MDGA1: variants seen among roughly 807,000 people sequenced by gnomAD.
MDGA1 encodes the protein MAM domain containing glycosylphosphatidylinositol anchor 1.
Under a neutral mutation model 101.5 loss-of-function variants are expected in MDGA1, and 54 were observed. That is an observed-to-expected ratio of 0.53 (90% CI 0.43 to 0.67). The LOEUF is 0.67. MDGA1 is among the 30% of genes least tolerant of loss of function. The pLI is 0.00. For synonymous variants in MDGA1, 533 were observed against 558.3 expected, an observed-to-expected ratio of 0.95 and a Z score of 0.64; for missense variants, 1,083 against 1,323.8, an observed-to-expected ratio of 0.82 and a Z score of 2.82.
intron 1 of MDGA1, among the ~76,000 whole-genome samples, chr6:37,690,137 C>T (rs542344463): frequency 6.6e-6 from 1 of 152,342 alleles, no homozygotes; most frequent in African/African-American, 2.4e-5. Context: ...TCCAACAGGC[C>T]AGGGCCTTTG....
At chr6:37,651,977 C>G in intron 7 of MDGA1, 34 bp downstream of exon 7, 1 of 1,505,786 alleles carries the variant, frequency 6.6e-7, no homozygotes, top group Non-Finnish European at 8.9e-7. Flanking sequence ...CTCCACCCCC[C>G]TCACATTTCC....
rs965361743 is a variant in MDGA1 at position 37,635,934 on chromosome 6, T to A, written c.*1434A>T. The A allele has an allele frequency of 2.5e-6, 1 of 395,080 alleles. No individual in the cohort carries two copies. The highest frequency in any genetic ancestry group is 2.1e-5 in the African/African-American group (1 of 48,566). 24.5% of individuals were successfully genotyped at this position (395,080 alleles called of 1,614,324 possible). ...ATTCATAGAAACGAATGGGTCTCAA[T>A]CCAGTCTCACAGGCAGATATGTGAG... is the stretch of plus-strand genomic sequence containing the variant. On this transcript the variant is annotated 3_prime_UTR_variant, in exon 17 of 17. Transcript: ENST00000434837.
Position 37,647,884 on chromosome 6 carries a change from G to A in MDGA1, c.1895-560C>T, listed in dbSNP as rs551551082. On this transcript the variant is annotated intron_variant, in intron 9 of 16. Transcript: ENST00000434837. ...CCGTCCTATCCCCCTGCTGTTGAGT[G>A]AGGGATTCAAACAGAAGCTGAAGGG... 5.3e-5 allele frequency among the ~76,000 whole-genome samples: 8 copies of A among 152,228 alleles called. No individual in the cohort carries two copies. In the East Asian group the frequency reaches 1.5e-3, roughly 29 times the overall value.
intron 7 of MDGA1, among the ~76,000 whole-genome samples, 189 bp downstream of exon 7, chr6:37,651,822 C>T (rs566809780): frequency 6.6e-6 from 1 of 152,314 alleles, no homozygotes; most frequent in East Asian, 1.9e-4. Flanking sequence ...GTTTTGCCCA[C>T]CGCTCTACCC....
At chr6:37,695,171 A>T (rs1762390686) in intron 1 of MDGA1, among the ~76,000 whole-genome samples, 1 of 152,120 alleles carries the variant, frequency 6.6e-6, no homozygotes, top group Non-Finnish European at 1.5e-5. Context: ...AGCAGCATGC[A>T]GGAAGGGCTC....
At chr6:37,668,432 T>C (rs1322369364) in intron 1 of MDGA1, among the ~76,000 whole-genome samples, 1 of 152,224 alleles carries the variant, frequency 6.6e-6, no homozygotes, top group East Asian at 1.9e-4. Context: ...TGAGTACTTA[T>C]GGCAACCAAA....
In MDGA1 at chr6:37,654,288, T is replaced by C; in HGVS notation, c.968A>G (p.Asn323Ser). The change falls in exon 6 of 17, where the codon AAC (asparagine) becomes AGC (serine). Residue 323 changes from asparagine (N) to serine (S), a missense_variant. Physicochemically the swap from Asn to Ser is conservative, Grantham distance 46 (BLOSUM62 1). Coordinates refer to ENST00000434837, the MANE Select transcript of MDGA1 (RefSeq NM_153487.4). ...AGGCCACGTACATCGCACCAGCAGG[T>C]TGACAGTCTTCTTGGCAGGGTTGCC... ...NVGNPAKKTV[N>S]LLVRSMKNAT... 6.4e-7 allele frequency: 1 copy of C among 1,553,446 alleles called. No homozygotes were observed. The highest frequency in any genetic ancestry group is 1.2e-5 in the South Asian group (1 of 80,328).
Position 37,687,001 on chromosome 6 carries a change from C to T in MDGA1, c.67+9744G>A, listed in dbSNP as rs138019552. 5.3e-5 allele frequency among the ~76,000 whole-genome samples: 8 copies of T among 152,288 alleles called. 2 individuals carry two copies. The highest frequency in any genetic ancestry group is 1.9e-4 in the African/African-American group (8 of 41,556). ...TGCCAGGGAATGCCTTCAGAAACCTCACATTTGGGGAAGTAGACAGGCACT... is the reference window on the plus strand; with the variant it reads ...TGCCAGGGAATGCCTTCAGAAACCTTACATTTGGGGAAGTAGACAGGCACT... On this transcript the variant is annotated intron_variant, in intron 1 of 16. Coordinates refer to ENST00000434837, the MANE Select transcript of MDGA1 (RefSeq NM_153487.4).
At chr6:37,689,307 C>T (rs1353632494) in intron 1 of MDGA1, among the ~76,000 whole-genome samples, 1 of 152,212 alleles carries the variant, frequency 6.6e-6, no homozygotes, top group Non-Finnish European at 1.5e-5. Flanking sequence ...GACATAAATC[C>T]AGATGTGCAA....
chr6:37,690,138 A>AGGG (rs1301756933), intron 1 of MDGA1, among the ~76,000 whole-genome samples: 3 of 152,354 alleles, frequency 2.0e-5, no homozygotes, highest in East Asian at 3.9e-4. Context: ...CCAACAGGCC[A>AGGG]GGGCCTTTGC....
In MDGA1 at chr6:37,635,371, T is replaced by C. The variant is rs150981806; in HGVS notation, c.*1997A>G. 1.5e-5 allele frequency: 6 copies of C among 397,886 alleles called. No individual in the cohort carries two copies. Among genetic ancestry groups the C allele is most frequent in the Middle Eastern group, 6.3e-4 (1 of 1,588 alleles). 24.6% of individuals were successfully genotyped at this position (397,886 alleles called of 1,614,324 possible). A position where few individuals can be genotyped will look rare whatever the true frequency, so the allele number is the denominator to read the frequency against. On this transcript the variant is annotated 3_prime_UTR_variant, in exon 17 of 17. Coordinates refer to ENST00000434837, the MANE Select transcript of MDGA1 (RefSeq NM_153487.4). ...CTCAGAGGAGGAGCTCACAGTCTAG[T>C]TGGGGCAATGGACTCTGCACAGATG... is the stretch of plus-strand genomic sequence containing the variant.
In MDGA1 at chr6:37,679,221, A is replaced by G. The variant is rs531370354; in HGVS notation, c.68-15115T>C. On this transcript the variant is annotated intron_variant, in intron 1 of 16. Coordinates refer to ENST00000434837, the MANE Select transcript of MDGA1 (RefSeq NM_153487.4). ...TGAAACAACTTTTAAATGACTTGAA[A>G]TCGAGTAGGTGGGGGGAGAAAAAAG... 5.3e-5 allele frequency among the ~76,000 whole-genome samples: 8 copies of G among 152,262 alleles called. No homozygotes were observed. The East Asian group carries it at 1.5e-3, about 29-fold the overall frequency.
chr6:37,635,884 GAC>G lies in MDGA1; in HGVS notation c.*1482_*1483del, dbSNP rs1763918293. 2.5e-6 allele frequency: 1 copy of G among 398,000 alleles called. No homozygotes were observed. 24.7% of individuals were successfully genotyped at this position (398,000 alleles called of 1,614,324 possible). A position where few individuals can be genotyped will look rare whatever the true frequency, so the allele number is the denominator to read the frequency against. ...AGCGAACACATCACTCAGGAAGGTG[GAC>G]ACACACGCTGACGTACACGGACATT... is the stretch of plus-strand genomic sequence containing the variant. On this transcript the variant is annotated 3_prime_UTR_variant, in exon 17 of 17. Transcript: ENST00000434837.
intron 2 of MDGA1, among the ~76,000 whole-genome samples, chr6:37,663,033 C>T (rs1483815097): frequency 6.6e-6 from 1 of 152,196 alleles, no homozygotes; most frequent in Non-Finnish European, 1.5e-5. Context: ...AAGGCCGAAC[C>T]TACTAAAGCC....
intron 2 of MDGA1, among the ~76,000 whole-genome samples, chr6:37,659,881 C>T (rs557767193): frequency 1.3e-5 from 2 of 152,210 alleles, no homozygotes; most frequent in East Asian, 3.9e-4. Context: ...GACATGAAAA[C>T]ATTTGATCCT....
chr6:37,652,341 C>G lies in MDGA1; in HGVS notation c.983-1G>C. On this transcript the variant is annotated splice_acceptor_variant, in intron 6 of 16. Coordinates refer to ENST00000434837, the MANE Select transcript of MDGA1 (RefSeq NM_153487.4). LOFTEE classifies it high-confidence loss of function. The surrounding 1 kb of genome is among the most constrained non-coding windows in gnomAD (Gnocchi z 4.3). ...ATCTGGAATGTAGCGTTCTTCATGGCTGTGAGTGGATGGGGAGGGAAGGGT... is the reference window on the plus strand; with the variant it reads ...ATCTGGAATGTAGCGTTCTTCATGGGTGTGAGTGGATGGGGAGGGAAGGGT... 1 of 1,601,994 alleles carries G rather than the reference C, an allele frequency of 6.2e-7. No homozygotes were observed. The highest frequency in any genetic ancestry group is 8.5e-7 in the Non-Finnish European group (1 of 1,171,720).
intron 1 of MDGA1, among the ~76,000 whole-genome samples, chr6:37,669,751 C>T (rs905960550): frequency 6.6e-6 from 1 of 152,186 alleles, no homozygotes; most frequent in African/African-American, 2.4e-5. Flanking sequence ...CAAGATACAC[C>T]ATGACACGAT....
chr6:37,635,975 CTG>C lies in MDGA1; in HGVS notation c.*1391_*1392del, dbSNP rs1763921612. The stretch of plus-strand genomic sequence containing the variant: ...GATATGTGAGATTGCACACACAGAC[CTG>C]TGTTTGCACACACTCCTGCCCAACA... On this transcript the variant is annotated 3_prime_UTR_variant, in exon 17 of 17. Coordinates refer to ENST00000434837, the MANE Select transcript of MDGA1 (RefSeq NM_153487.4). 2.6e-6 allele frequency: 1 copy of C among 380,152 alleles called. No individual in the cohort carries two copies. Among genetic ancestry groups the C allele is most frequent in the African/African-American group, 2.1e-5 (1 of 48,292 alleles). The allele number at this position is 380,152 out of a possible 1,614,324, so 23.5% of individuals were successfully genotyped here. A position where few individuals can be genotyped will look rare whatever the true frequency, so the allele number is the denominator to read the frequency against.
Position 37,644,526 on chromosome 6 carries a change from G to A in MDGA1, c.2372C>T (p.Pro791Leu). ...QNPKRSPNTG[P>L]PTDISGTPEG... ...AGGGGTGCCACTTATGTCGGTGGGG[G>A]GACCAGTGTTGGGGGAGCGTTTGGG... Residue 791 changes from proline to leucine, a missense_variant, in exon 13 of 17, where the codon CCC (proline) becomes CTC (leucine). Around this residue, in one of 3 missense-constraint regions of MDGA1, gnomAD observed 657 missense variants for 771.4 expected, o/e 0.85. Transcript: ENST00000434837. 6.3e-7 allele frequency: 1 copy of A among 1,595,552 alleles called. No individual in the cohort carries two copies. Among genetic ancestry groups the A allele is most frequent in the Non-Finnish European group, 8.5e-7 (1 of 1,171,354 alleles).
Sources: allele counts gnomAD v4.1 joint callset (sites outside exome capture counted in the v4.1 genomes callset), GRCh38; gene constraint gnomAD v4.1.1; regional missense constraint gnomAD v4.1.1; non-coding constraint Gnocchi (gnomAD v3.1); transcripts MANE v1.5; gene names NCBI Gene and HGNC (gene_info 2026-07-23, HGNC 2026-07-21).